ANKRD13C: variants seen among roughly 807,000 people sequenced by gnomAD.
ANKRD13C encodes the protein ankyrin repeat domain-containing protein 13C.
A neutral mutation model predicts 65.5 loss-of-function variants in ANKRD13C; 16 were observed. That is an observed-to-expected ratio of 0.24 (90% confidence interval 0.17 to 0.37). The LOEUF (loss-of-function observed/expected upper bound fraction) is 0.37. Among genes scored for constraint, ANKRD13C ranks in the 10% least tolerant of loss-of-function variants. The pLI, the probability that ANKRD13C is intolerant of heterozygous loss-of-function variation, is 1.00. For missense variants in ANKRD13C, 503 were observed against 655.9 expected, an observed-to-expected ratio of 0.77 and a Z score of 2.55; for synonymous variants, 235 against 238.7, an observed-to-expected ratio of 0.98 and a Z score of 0.14.
intron 7 of ANKRD13C, among the ~76,000 whole-genome samples, chr1:70,296,582 G>C (rs1680090256): frequency 6.6e-6 from 1 of 152,198 alleles, no homozygotes; most frequent in South Asian, 2.1e-4. Context: ...AGTCCATAGA[G>C]CAATTTTTAA....
chr1:70,341,613 G>A lies in ANKRD13C; in HGVS notation c.431-5514C>T, dbSNP rs558373491. Among the ~76,000 whole-genome samples, 4 of 152,242 alleles carry A rather than the reference G, an allele frequency of 2.6e-5. No individual in the cohort carries two copies. In the South Asian group the frequency reaches 8.3e-4, roughly 32 times the overall value. ...GACCTCAAGTGATCTGCCTGCCTCA[G>A]CCTCCCAAAGTGATGGGATTACAAG... On this transcript the variant is annotated intron_variant, in intron 1 of 12. Coordinates refer to ENST00000370944, the MANE Select transcript of ANKRD13C (RefSeq NM_030816.5).
intron 11 of ANKRD13C, among the ~76,000 whole-genome samples, chr1:70,274,191 CG>C (rs1328812183): frequency 6.6e-6 from 1 of 151,066 alleles, no homozygotes; most frequent in African/African-American, 2.4e-5. Context: ...AAAACCTACT[CG>C]GCTGGGCGTG....
intron 11 of ANKRD13C, among the ~76,000 whole-genome samples, chr1:70,274,473 C>CAA (rs769480539): frequency 0.021 from 801 of 37,738 alleles, 36 homozygotes; most frequent in African/African-American, 0.053. Context: ...GACTCCATCT[C>CAA]AAAAAAAAAA....
intron 3 of ANKRD13C, among the ~76,000 whole-genome samples, chr1:70,323,312 C>T (rs1681389151): frequency 6.6e-6 from 1 of 152,034 alleles, no homozygotes; most frequent in South Asian, 2.1e-4. Context: ...ACAATTTTAT[C>T]TCAGTAAATC....
intron 1 of ANKRD13C, among the ~76,000 whole-genome samples, chr1:70,345,425 G>A (rs1036394277): frequency 3.8e-4 from 56 of 148,938 alleles, no homozygotes; most frequent in African/African-American, 1.3e-3. Context: ...GCAATATTCC[G>A]TCTCAAAAAA....
chr1:70,290,563 T>G (rs1679819784), intron 9 of ANKRD13C, among the ~76,000 whole-genome samples: 1 of 151,064 alleles, frequency 6.6e-6, no homozygotes, highest in Non-Finnish European at 1.5e-5. Flanking sequence ...TGTGACAGGA[T>G]CTCACTGTGT....
rs1303414084 is a variant in ANKRD13C, at chr1:70,259,354, A to G, written c.*3363T>C. Among the ~76,000 whole-genome samples the G allele has an allele frequency of 2.0e-5, 3 of 152,244 alleles. No homozygotes were observed. Among genetic ancestry groups the G allele is most frequent in the Non-Finnish European group, 2.9e-5 (2 of 68,038 alleles). Reference sequence around the variant, plus strand: ...ACAAGCACCTTTCTTAGAAGTTCTTAAGATTTTGCTTCAATATTTTTCAGT... The same window carrying G: ...ACAAGCACCTTTCTTAGAAGTTCTTGAGATTTTGCTTCAATATTTTTCAGT... On this transcript the variant is annotated 3_prime_UTR_variant, in exon 13 of 13. Transcript: ENST00000370944.
intron 3 of ANKRD13C, among the ~76,000 whole-genome samples, chr1:70,318,491 A>G (rs1457932768): frequency 6.6e-6 from 1 of 152,116 alleles, no homozygotes; most frequent in South Asian, 2.1e-4. Flanking sequence ...TACCTGATGT[A>G]CTACAGTTGA....
intron 3 of ANKRD13C, among the ~76,000 whole-genome samples, chr1:70,324,469 A>G (rs1359691717): frequency 1.3e-5 from 2 of 152,238 alleles, no homozygotes; most frequent in African/African-American, 2.4e-5. Context: ...CCTACCAACT[A>G]AAGCAGATAA....
In ANKRD13C at chr1:70,324,938, CA is replaced by C; in HGVS notation, c.491del (p.Leu164TrpfsTer9). 6.2e-7 allele frequency: 1 copy of C among 1,610,152 alleles called. No homozygotes were observed. The highest frequency in any genetic ancestry group is 1.7e-5 in the Admixed American group (1 of 59,860). ...TCACCTTGACTGGAGCATTGTGAGC[CA>C]AAAGTAAATGGGCACATTCTGCAAT... ...LGNKECAHLLLAHNAPVKVKN... is the reference protein window; with the variant it reads ...LGNKECAHLLXAHNAPVKVKN... On this transcript the variant is annotated frameshift_variant, in exon 3 of 13. Transcript: ENST00000370944. LOFTEE classifies it high-confidence loss of function.
At chr1:70,299,985 T>C (rs1177507853) in intron 7 of ANKRD13C, among the ~76,000 whole-genome samples, 2 of 151,760 alleles carry the variant, frequency 1.3e-5, no homozygotes, top group Non-Finnish European at 2.9e-5. Flanking sequence ...AGAAGGAAAA[T>C]CATGTCGTAC....
chr1:70,337,146 A>AACACACACACACACACAC (rs58715407), intron 1 of ANKRD13C, among the ~76,000 whole-genome samples: 1 of 145,350 alleles, frequency 6.9e-6, no homozygotes, highest in African/African-American at 2.5e-5. Context: ...CCATGATTCA[A>AACACACACACACACACAC]ACACACACAC....
intron 11 of ANKRD13C, among the ~76,000 whole-genome samples, chr1:70,274,225 G>A (rs1223277768): frequency 6.6e-6 from 1 of 151,486 alleles, no homozygotes; most frequent in African/African-American, 2.4e-5. Context: ...TGTAATCCCA[G>A]CACTTTGGGA....
chr1:70,292,518 TA>T lies in ANKRD13C; in HGVS notation c.1084del (p.Tyr362ThrfsTer3). On this transcript the variant is annotated frameshift_variant, in exon 9 of 13. Coordinates refer to ENST00000370944, the MANE Select transcript of ANKRD13C (RefSeq NM_030816.5). LOFTEE classifies it high-confidence loss of function. ...ERVGNFLADF[Y>X]LVNGLVLESR... ...TTCTAAAACAAGTCCATTCACCAGG[TA>T]AAAGTCTGCCAAAAAGTTTCCTACT... The T allele has an allele frequency of 6.3e-7, 1 of 1,599,716 alleles. No homozygotes were observed. The highest frequency in any genetic ancestry group is 1.2e-5 in the South Asian group (1 of 86,922).
At chr1:70,350,005 T>C (rs1274581011) in intron 1 of ANKRD13C, among the ~76,000 whole-genome samples, 4 of 151,994 alleles carry the variant, frequency 2.6e-5, no homozygotes, top group African/African-American at 9.7e-5. Context: ...TTAGCCGGTG[T>C]GGTGGTGCAT....
intron 6 of ANKRD13C, among the ~76,000 whole-genome samples, chr1:70,303,024 G>C (rs1283703239): frequency 1.3e-5 from 2 of 152,008 alleles, no homozygotes; most frequent in East Asian, 3.9e-4. Context: ...CAGAAAGACA[G>C]ATAAAGAAAG....
chr1:70,308,169 TA>T (rs1364996430), intron 5 of ANKRD13C, among the ~76,000 whole-genome samples: 3 of 152,130 alleles, frequency 2.0e-5, no homozygotes, highest in African/African-American at 7.2e-5. Flanking sequence ...ATTACTTATT[TA>T]TTTTTTTAAA....
At chr1:70,296,030 G>T (rs1315877093) in intron 8 of ANKRD13C, 100 bp downstream of exon 8, 7 of 1,393,286 alleles carry the variant, frequency 5.0e-6, no homozygotes, top group African/African-American at 1.5e-5. Context: ...ACTACTTGGA[G>T]ACAATTCTGT....
intron 2 of ANKRD13C, among the ~76,000 whole-genome samples, chr1:70,328,504 A>C (rs1184374530): frequency 1.3e-5 from 2 of 152,114 alleles, no homozygotes; most frequent in Admixed American, 6.5e-5. Flanking sequence ...CTCTACTAAA[A>C]ATACACAAAG....
Sources: allele counts gnomAD v4.1 joint callset (sites outside exome capture counted in the v4.1 genomes callset), GRCh38; gene constraint gnomAD v4.1.1; transcripts MANE v1.5; gene names NCBI Gene and HGNC (gene_info 2026-07-23, HGNC 2026-07-21).